Variants in XPR1 observed in about 807,000 individuals in gnomAD.
The protein encoded by XPR1 is solute carrier family 53 member 1.
A neutral mutation model predicts 87.5 loss-of-function variants in XPR1; 28 were observed. The ratio of observed to expected loss-of-function variants is 0.32; its 90% CI spans 0.24 to 0.44. XPR1 has a LOEUF of 0.44. XPR1 is among the 20% of genes least tolerant of loss of function. The pLI, the probability that XPR1 is intolerant of heterozygous loss-of-function variation, is 1.00. For missense variants in XPR1, 559 were observed against 862.3 expected, an observed-to-expected ratio of 0.65 and a Z score of 4.41; for synonymous variants, 300 against 306.1, an observed-to-expected ratio of 0.98 and a Z score of 0.21.
At chr1:180,843,028 C>T (rs901223342) in intron 11 of XPR1, among the ~76,000 whole-genome samples, 2 of 152,144 alleles carry the variant, frequency 1.3e-5, no homozygotes, top group Non-Finnish European at 2.9e-5. Context: ...TCTTGTTTAA[C>T]GTTCTCTAAG....
At chr1:180,879,452 A>G (rs137886223) in intron 13 of XPR1, among the ~76,000 whole-genome samples, 122 of 152,218 alleles carry the variant, frequency 8.0e-4, no homozygotes, top group African/African-American at 2.9e-3. Flanking sequence ...ATCTCCTGCT[A>G]TTTTAACCTC....
intron 1 of XPR1, among the ~76,000 whole-genome samples, chr1:180,668,123 CTTT>C (rs758456790): frequency 2.1e-5 from 2 of 94,700 alleles, no homozygotes; most frequent in Admixed American, 1.1e-4. Flanking sequence ...TTCCCTCTAT[CTTT>C]TTTTTTTTTT....
intron 1 of XPR1, among the ~76,000 whole-genome samples, chr1:180,656,361 ATAT>A (rs1655471185): frequency 8.9e-6 from 1 of 112,856 alleles, no homozygotes; most frequent in South Asian, 2.4e-4. Flanking sequence ...ATATTTATAT[ATAT>A]AATATTTATA....
At chr1:180,650,151 A>G (rs545317058) in intron 1 of XPR1, among the ~76,000 whole-genome samples, 2 of 151,536 alleles carry the variant, frequency 1.3e-5, no homozygotes, top group East Asian at 3.9e-4. Context: ...CTCGATTGTC[A>G]TTTTAGTGGG....
At position 180,669,463 on chromosome 1, in the gene XPR1, A is replaced by G. The variant is rs549272973; in HGVS notation, c.70-12897A>G. Among the ~76,000 whole-genome samples the G allele has an allele frequency of 3.1e-3, 470 of 151,706 alleles. 4 individuals carry two copies. The highest frequency in any genetic ancestry group is 0.011 in the African/African-American group (447 of 41,328). On this transcript the variant is annotated intron_variant, in intron 1 of 14. Coordinates refer to ENST00000367590, the MANE Select transcript of XPR1 (RefSeq NM_004736.4). Reference sequence around the variant, plus strand: ...AGTGGCGCAATCTTGGCTCACTGCAACCTCCGCCTTCCGGGTTCAAGCAAT... The same window carrying G: ...AGTGGCGCAATCTTGGCTCACTGCAGCCTCCGCCTTCCGGGTTCAAGCAAT...
chr1:180,797,947 GGAT>G (rs1220557535), intron 3 of XPR1, among the ~76,000 whole-genome samples: 1 of 152,080 alleles, frequency 6.6e-6, no homozygotes, highest in Non-Finnish European at 1.5e-5. Context: ...TTGATCCTAA[GGAT>G]GATAAGACAA....
chr1:180,777,897 A>G (rs10914100), intron 2 of XPR1, among the ~76,000 whole-genome samples: 3,113 of 152,296 alleles, frequency 0.02, 105 homozygotes, highest in African/African-American at 0.071. Context: ...ATATAATTAA[A>G]ATGCAAAGAG....
chr1:180,664,265 T>C (rs778015430), intron 1 of XPR1, among the ~76,000 whole-genome samples: 1 of 152,188 alleles, frequency 6.6e-6, no homozygotes, highest in Non-Finnish European at 1.5e-5. Flanking sequence ...AGCCAGCATG[T>C]CTCAGAGTCT....
chr1:180,665,316 A>G (rs1655921444), intron 1 of XPR1, among the ~76,000 whole-genome samples: 1 of 152,118 alleles, frequency 6.6e-6, no homozygotes, highest in Admixed American at 6.5e-5. Context: ...CCCACCCTTG[A>G]CATTCGTGGG....
chr1:180,685,972 T>G (rs886565649), intron 2 of XPR1, among the ~76,000 whole-genome samples: 35 of 152,056 alleles, frequency 2.3e-4, no homozygotes, highest in Admixed American at 4.6e-4. Flanking sequence ...AGGGTTTTTT[T>G]TGTCTCTATT....
rs554539409 is a variant in XPR1 at position 180,884,223 on chromosome 1, G to A, written c.*157G>A. ...ATCGGATCCTATGGACTCCAAACAA[G>A]CTCACTGTGTTTCTTTTCTTTTCTT... On this transcript the variant is annotated 3_prime_UTR_variant, in exon 15 of 15. Coordinates refer to ENST00000367590, the MANE Select transcript of XPR1 (RefSeq NM_004736.4). 2.6e-4 allele frequency: 130 copies of A among 508,724 alleles called. 1 individual carries two copies. Among genetic ancestry groups the A allele is most frequent in the Non-Finnish European group, 3.8e-4 (110 of 287,968 alleles). 31.5% of individuals were successfully genotyped at this position (508,724 alleles called of 1,614,324 possible).
chr1:180,643,667 G>C (rs991631277), intron 1 of XPR1, among the ~76,000 whole-genome samples: 1 of 152,158 alleles, frequency 6.6e-6, no homozygotes. Flanking sequence ...AAGTCAAACA[G>C]CTAGTTAATG....
intron 7 of XPR1, among the ~76,000 whole-genome samples, chr1:180,815,032 G>A (rs947475223): frequency 3.3e-5 from 5 of 152,028 alleles, no homozygotes; most frequent in African/African-American, 9.7e-5. Context: ...GATAAGAAGT[G>A]TAAGTAAAAC....
intron 2 of XPR1, among the ~76,000 whole-genome samples, chr1:180,772,088 A>G (rs1438747122): frequency 6.7e-6 from 1 of 149,834 alleles, no homozygotes; most frequent in African/African-American, 2.5e-5. Context: ...TCTTTCTCAC[A>G]CATTTATTCA....
intron 7 of XPR1, among the ~76,000 whole-genome samples, chr1:180,818,414 T>A (rs562622758): frequency 2.0e-5 from 3 of 152,032 alleles, no homozygotes; most frequent in Non-Finnish European, 4.4e-5. Flanking sequence ...GGAGCCAGAT[T>A]GTAGGGTTAT....
chr1:180,676,264 A>G (rs573529255), intron 1 of XPR1, among the ~76,000 whole-genome samples: 2 of 152,350 alleles, frequency 1.3e-5, no homozygotes, highest in East Asian at 1.9e-4. Context: ...CCTACTGTGT[A>G]TAAGTCACTG....
At chr1:180,682,540 A>G (rs1656612628) in intron 2 of XPR1, 129 bp downstream of exon 2, 1 of 376,382 alleles carries the variant, frequency 2.7e-6, no homozygotes, top group South Asian at 1.1e-4. Flanking sequence ...CCCTTTTAAT[A>G]ATATATATTA....
At chr1:180,745,430 A>G (rs542153164) in intron 2 of XPR1, among the ~76,000 whole-genome samples, 1 of 152,286 alleles carries the variant, frequency 6.6e-6, no homozygotes, top group South Asian at 2.1e-4. Flanking sequence ...GTAGGGGGTC[A>G]ATTTCACTCT....
chr1:180,639,974 C>T (rs745604372), intron 1 of XPR1, among the ~76,000 whole-genome samples: 4 of 152,052 alleles, frequency 2.6e-5, no homozygotes, highest in Admixed American at 2.0e-4. Flanking sequence ...ATTGAATTAG[C>T]AGAAGTGTGG....
Sources: gnomAD v4.1 joint callset for allele counts (sites outside exome capture counted in the v4.1 genomes callset) on GRCh38, gnomAD v4.1.1 for gene constraint, MANE v1.5 for transcripts, NCBI Gene and HGNC (gene_info 2026-07-23, HGNC 2026-07-21) for gene names.